Variants in CEP128 observed in about 807,000 individuals in gnomAD.
The protein encoded by CEP128 is centrosomal protein 128kDa.
CEP128 carries 132 observed loss-of-function variants against 156.7 expected under a neutral mutation model. That is an observed-to-expected ratio of 0.84 (90% CI 0.73 to 0.97). The LOEUF (loss-of-function observed/expected upper bound fraction) is 0.97, where lower values mean the gene tolerates loss of function less well. CEP128 is among the 50% of genes least tolerant of loss of function. The pLI is 0.00. For missense variants in CEP128, 1,252 were observed against 1,281.9 expected (o/e 0.98, Z 0.36); for synonymous variants, 469 against 448.9 (o/e 1.04, Z -0.57).
intron 8 of CEP128, among the ~76,000 whole-genome samples, chr14:80,881,874 A>G (rs1288566372): frequency 6.6e-6 from 1 of 152,148 alleles, no homozygotes; most frequent in Non-Finnish European, 1.5e-5. Flanking sequence ...CAACATAAGA[A>G]AAGCCATATA....
chr14:80,843,925 T>C (rs1266182942), intron 9 of CEP128, among the ~76,000 whole-genome samples: 6 of 151,864 alleles, frequency 4.0e-5, no homozygotes, highest in Non-Finnish European at 7.4e-5. Flanking sequence ...ATCAATAAAA[T>C]AATACATATT....
chr14:80,903,630 A>G (rs1039936811), intron 6 of CEP128, among the ~76,000 whole-genome samples: 1 of 152,098 alleles, frequency 6.6e-6, no homozygotes, highest in African/African-American at 2.4e-5. Flanking sequence ...CAAAATATAT[A>G]AAGAACTCAA....
intron 19 of CEP128, among the ~76,000 whole-genome samples, chr14:80,613,418 T>C (rs1234558622): frequency 7.2e-6 from 1 of 139,576 alleles, no homozygotes; most frequent in African/African-American, 2.7e-5. Context: ...TTCTCCCACC[T>C]CAGCCTCTCG....
chr14:80,822,015 G>A (rs1885215646), intron 13 of CEP128, among the ~76,000 whole-genome samples: 1 of 152,092 alleles, frequency 6.6e-6, no homozygotes, highest in Non-Finnish European at 1.5e-5. Flanking sequence ...TCATGATCAT[G>A]AGACAAGCAC....
chr14:80,599,970 T>C (rs1312704000), intron 19 of CEP128, among the ~76,000 whole-genome samples: 1 of 152,194 alleles, frequency 6.6e-6, no homozygotes, highest in East Asian at 1.9e-4. Context: ...TTCTTTCACA[T>C]ACCATGAAAT....
In CEP128 at chr14:80,540,200, C is replaced by CCCT. The variant is rs1555372610; in HGVS notation, c.2881-9315_2881-9314insAGG. Among the ~76,000 whole-genome samples the CCCT allele has an allele frequency of 3.8e-4, 56 of 148,570 alleles. 2 individuals are homozygous for CCCT. The highest frequency in any genetic ancestry group is 7.0e-4 in the Non-Finnish European group (47 of 67,338). On this transcript the variant is annotated intron_variant, in intron 21 of 24. Coordinates refer to ENST00000555265, the MANE Select transcript of CEP128 (RefSeq NM_152446.5). Reference sequence around the variant, plus strand: ...TGTACCTACTCCCTGTTCTTACACCCCCCCCCCTTTTGAAACCCTTAATAA... The same window carrying CCCT: ...TGTACCTACTCCCTGTTCTTACACCCCCTCCCCCCCTTTTGAAACCCTTAATAA...
chr14:80,712,003 TAATCTAATTTC>T (rs947198562), intron 19 of CEP128, among the ~76,000 whole-genome samples: 2 of 152,174 alleles, frequency 1.3e-5, no homozygotes, highest in African/African-American at 4.8e-5. Context: ...TTGTTCCTTG[TAATCTAATTTC>T]AATGACTACA....
intron 4 of CEP128, among the ~76,000 whole-genome samples, chr14:80,913,245 G>A (rs1173379680): frequency 1.3e-5 from 2 of 152,066 alleles, no homozygotes; most frequent in Non-Finnish European, 2.9e-5. Flanking sequence ...GTATGTGTGT[G>A]TACAATAATG....
intron 9 of CEP128, among the ~76,000 whole-genome samples, chr14:80,846,796 A>T (rs1388061412): frequency 6.6e-6 from 1 of 152,208 alleles, no homozygotes; most frequent in African/African-American, 2.4e-5. Flanking sequence ...TTTATACATC[A>T]TCTTGTAAAA....
rs949634189 is a variant in CEP128 at position 80,723,955 on chromosome 14, A to G, written c.2806+19120T>C. On this transcript the variant is annotated intron_variant, in intron 19 of 24. Transcript: ENST00000555265. The stretch of plus-strand genomic sequence containing the variant: ...GCAGAACAGAACACAATCATCCATC[A>G]TCATAAAACAGAACCCAGAGGGGTT... Among the ~76,000 whole-genome samples the G allele has an allele frequency of 3.3e-5, 5 of 152,210 alleles. No individual in the cohort carries two copies. In the East Asian group the frequency reaches 9.6e-4, roughly 29 times the overall value.
intron 19 of CEP128, among the ~76,000 whole-genome samples, chr14:80,728,830 G>A (rs932274012): frequency 6.6e-6 from 1 of 152,072 alleles, no homozygotes; most frequent in Non-Finnish European, 1.5e-5. Context: ...AAATATACTA[G>A]ACCAAAGTTG....
chr14:80,632,221 A>T (rs2140732822), intron 19 of CEP128, among the ~76,000 whole-genome samples: 1 of 152,064 alleles, frequency 6.6e-6, no homozygotes, highest in East Asian at 1.9e-4. Flanking sequence ...TGCACACATC[A>T]CTAAATAATA....
intron 19 of CEP128, among the ~76,000 whole-genome samples, chr14:80,717,613 G>GT (rs1159976807): frequency 1.3e-5 from 2 of 151,746 alleles, no homozygotes; most frequent in African/African-American, 4.8e-5. Flanking sequence ...AGGTGCAAAG[G>GT]TTAAAAAAAA....
intron 13 of CEP128, among the ~76,000 whole-genome samples, chr14:80,808,944 T>C (rs1262595333): frequency 1.3e-5 from 2 of 152,188 alleles, no homozygotes; most frequent in Non-Finnish European, 2.9e-5. Context: ...AATGTAAGAA[T>C]GCAGGAAGCA....
chr14:80,553,372 T>C lies in CEP128; in HGVS notation c.2880+5907A>G, dbSNP rs562351976. ...TCTGATATGAGACAGAGGTTCAGTTTAATATTTTTAATACCATCTATGGAA... is the reference window on the plus strand; with the variant it reads ...TCTGATATGAGACAGAGGTTCAGTTCAATATTTTTAATACCATCTATGGAA... On this transcript the variant is annotated intron_variant, in intron 21 of 24. Transcript: ENST00000555265. Among the ~76,000 whole-genome samples, 6 of 152,316 alleles carry C rather than the reference T, an allele frequency of 3.9e-5. No individual in the cohort carries two copies. The East Asian group carries it at 1.2e-3, about 29-fold the overall frequency.
chr14:80,727,825 C>A (rs1262268832), intron 19 of CEP128, among the ~76,000 whole-genome samples: 1 of 152,182 alleles, frequency 6.6e-6, no homozygotes, highest in Non-Finnish European at 1.5e-5. Context: ...TACCATCTCA[C>A]ACCAGTCAGA....
chr14:80,674,864 T>A (rs1895997630), intron 19 of CEP128, among the ~76,000 whole-genome samples: 2 of 152,192 alleles, frequency 1.3e-5, no homozygotes, highest in African/African-American at 4.8e-5. Flanking sequence ...AACCCATACA[T>A]CTTGCTCCAA....
chr14:80,881,152 G>T (rs1467054137), intron 8 of CEP128, among the ~76,000 whole-genome samples: 1 of 151,444 alleles, frequency 6.6e-6, no homozygotes. Context: ...TTTTTGAAAA[G>T]ATAAATAAAA....
chr14:80,666,724 C>CAAA (rs78322396), intron 19 of CEP128, among the ~76,000 whole-genome samples: 4 of 103,466 alleles, frequency 3.9e-5, no homozygotes, highest in African/African-American at 1.3e-4. Context: ...AAGAGAGAGA[C>CAAA]AAAAAAAAAA....
Sources: gnomAD v4.1 joint callset for allele counts (sites outside exome capture counted in the v4.1 genomes callset) on GRCh38, gnomAD v4.1.1 for gene constraint, MANE v1.5 for transcripts, NCBI Gene and HGNC (gene_info 2026-07-23, HGNC 2026-07-21) for gene names.